PTPRD: variants seen among roughly 807,000 people sequenced by gnomAD.
PTPRD encodes the protein receptor-type tyrosine-protein phosphatase delta.
Under a neutral mutation model 214.5 loss-of-function variants are expected in PTPRD, and 34 were observed. The observed-to-expected ratio is 0.16, with a 90% CI of 0.12 to 0.21. The LOEUF is 0.21. PTPRD is among the 10% of genes least tolerant of loss of function. The pLI is 1.00. For missense variants in PTPRD, 2,545 were observed against 2,398.7 expected, an observed-to-expected ratio of 1.06 and a Z score of -1.27; for synonymous variants, 1,128 against 845.7, an observed-to-expected ratio of 1.33 and a Z score of -5.79.
chr9:9,007,331 G>A (rs2099479573), intron 11 of PTPRD, among the ~76,000 whole-genome samples: 1 of 148,828 alleles, frequency 6.7e-6, no homozygotes, highest in Non-Finnish European at 1.5e-5. Flanking sequence ...GCCCAAAGAT[G>A]GCTAAGGGTG....
intron 2 of PTPRD, among the ~76,000 whole-genome samples, chr9:10,443,590 T>A (rs1177969562): frequency 6.6e-6 from 1 of 151,722 alleles, no homozygotes; most frequent in Non-Finnish European, 1.5e-5. Flanking sequence ...TACCTTAATG[T>A]TACATTACTT....
At chr9:8,895,391 C>A (rs907235468) in intron 11 of PTPRD, among the ~76,000 whole-genome samples, 2 of 152,094 alleles carry the variant, frequency 1.3e-5, no homozygotes, top group Non-Finnish European at 2.9e-5. Flanking sequence ...CTCTCTCTGT[C>A]CTTTTGAAAA....
chr9:8,585,221 T>C (rs181494884), intron 14 of PTPRD, among the ~76,000 whole-genome samples: 14 of 152,232 alleles, frequency 9.2e-5, no homozygotes, highest in Admixed American at 2.6e-4. Flanking sequence ...TTTTTTTAAC[T>C]GCAGAGTTAC....
intron 11 of PTPRD, among the ~76,000 whole-genome samples, chr9:8,744,001 G>C (rs1046935379): frequency 6.6e-6 from 1 of 150,900 alleles, no homozygotes; most frequent in South Asian, 2.1e-4. Context: ...TCTCAAAAAA[G>C]ATATACAAAT....
intron 35 of PTPRD, among the ~76,000 whole-genome samples, chr9:8,416,145 TTAATA>T (rs2093919033): frequency 6.6e-6 from 1 of 152,160 alleles, no homozygotes; most frequent in African/African-American, 2.4e-5. Flanking sequence ...GGAAATAGCC[TTAATA>T]TAATAGTAGA....
At chr9:10,456,060 T>C (rs2098914620) in intron 2 of PTPRD, among the ~76,000 whole-genome samples, 1 of 151,828 alleles carries the variant, frequency 6.6e-6, no homozygotes, top group Admixed American at 6.6e-5. Flanking sequence ...TAGAAAGAAG[T>C]CTTGTAGTCT....
chr9:8,352,642 C>T (rs576995672), intron 39 of PTPRD, among the ~76,000 whole-genome samples: 1 of 152,230 alleles, frequency 6.6e-6, no homozygotes, highest in South Asian at 2.1e-4. Context: ...AATATAAATG[C>T]TATTACTCCT....
At chr9:10,381,033 A>T (rs2097810393) in intron 2 of PTPRD, among the ~76,000 whole-genome samples, 1 of 151,912 alleles carries the variant, frequency 6.6e-6, no homozygotes. Context: ...AGAGATTAGT[A>T]GGACGCTCAA....
chr9:9,529,658 A>G (rs2075025747), intron 8 of PTPRD, among the ~76,000 whole-genome samples: 1 of 152,128 alleles, frequency 6.6e-6, no homozygotes. Flanking sequence ...GAAGATAAAC[A>G]GCAACTCTCA....
chr9:10,585,233 T>G (rs888663340), intron 2 of PTPRD, among the ~76,000 whole-genome samples: 3 of 152,034 alleles, frequency 2.0e-5, no homozygotes, highest in Non-Finnish European at 4.4e-5. Flanking sequence ...TTAATCTTAT[T>G]TTCATAATAT....
At chr9:10,578,351 C>T (rs2070325669) in intron 2 of PTPRD, among the ~76,000 whole-genome samples, 1 of 152,020 alleles carries the variant, frequency 6.6e-6, no homozygotes, top group Non-Finnish European at 1.5e-5. Context: ...CAGTAAAATT[C>T]ATACTTATAA....
At chr9:9,768,951 A>C (rs1191281005) in intron 5 of PTPRD, among the ~76,000 whole-genome samples, 2 of 152,206 alleles carry the variant, frequency 1.3e-5, no homozygotes, top group Non-Finnish European at 2.9e-5. Context: ...AATCGGATTA[A>C]GGTTACTTGT....
intron 2 of PTPRD, among the ~76,000 whole-genome samples, chr9:10,375,191 T>C (rs139418002): frequency 2.0e-3 from 304 of 152,184 alleles, no homozygotes; most frequent in African/African-American, 6.4e-3. Flanking sequence ...GGCAAGTAAC[T>C]AAATTTCTAA....
intron 6 of PTPRD, among the ~76,000 whole-genome samples, chr9:9,736,340 T>G (rs1481804848): frequency 3.3e-5 from 5 of 152,116 alleles, no homozygotes. Context: ...TTTATGAGAT[T>G]CATTCATCTT....
At chr9:8,710,938 A>G (rs983544311) in intron 12 of PTPRD, among the ~76,000 whole-genome samples, 18 of 152,264 alleles carry the variant, frequency 1.2e-4, no homozygotes, top group Admixed American at 2.0e-4. Context: ...TTATCAAAAT[A>G]TATTGCTTTC....
chr9:9,690,152 C>A (rs1017774622), intron 7 of PTPRD, among the ~76,000 whole-genome samples: 1 of 151,730 alleles, frequency 6.6e-6, no homozygotes, highest in Non-Finnish European at 1.5e-5. Context: ...CTCCAGCATT[C>A]GTTATTGCCT....
chr9:10,568,801 C>T (rs2066496653), intron 2 of PTPRD, among the ~76,000 whole-genome samples: 1 of 152,100 alleles, frequency 6.6e-6, no homozygotes, highest in Non-Finnish European at 1.5e-5. Context: ...AAACGTTAGA[C>T]CTAAAACCAT....
chr9:9,327,839 C>T (rs574170106), intron 9 of PTPRD, among the ~76,000 whole-genome samples: 56 of 150,140 alleles, frequency 3.7e-4, no homozygotes, highest in African/African-American at 1.4e-3. Context: ...CCCTGGGCCA[C>T]GTTGGAAGAA....
intron 3 of PTPRD, among the ~76,000 whole-genome samples, chr9:10,226,367 G>C (rs776772980): frequency 6.6e-6 from 1 of 151,944 alleles, no homozygotes; most frequent in Non-Finnish European, 1.5e-5. Flanking sequence ...ATGGAATATA[G>C]TCCTCCCTCC....
Sources: allele counts gnomAD v4.1 joint callset (sites outside exome capture counted in the v4.1 genomes callset), GRCh38; gene constraint gnomAD v4.1.1; transcripts MANE v1.5; gene names NCBI Gene and HGNC (gene_info 2026-07-23, HGNC 2026-07-21).